MACROD2: variants seen among roughly 807,000 people sequenced by gnomAD.
MACROD2 encodes mono-ADP ribosylhydrolase 2.
In MACROD2, 36 loss-of-function variants were observed where a neutral mutation model predicts 70.4. The observed-to-expected ratio is 0.51, with a 90% CI of 0.39 to 0.68. The LOEUF (loss-of-function observed/expected upper bound fraction) is 0.68, where lower values mean the gene tolerates loss of function less well. MACROD2 is among the 30% of genes least tolerant of loss of function. MACROD2 has a pLI of 0.00. For synonymous variants in MACROD2, 172 were observed against 178.8 expected, an observed-to-expected ratio of 0.96 and a Z score of 0.30; for missense variants, 496 against 538.4, an observed-to-expected ratio of 0.92 and a Z score of 0.78.
rs1489931159 is a variant in MACROD2, at chr20:14,326,420, T to A, written c.272-167059T>A. On this transcript the variant is annotated intron_variant, in intron 3 of 17. Transcript: ENST00000684519. The surrounding 1 kb of genome is among the most constrained non-coding windows in gnomAD (Gnocchi z 5.5). The stretch of plus-strand genomic sequence containing the variant: ...GGTATTGCAGTGGTTATCTGAATGG[T>A]GCTTACAATCCCACTGTCCTTACAA... The A allele has an allele frequency of 6.2e-7, 1 of 1,613,918 alleles. No individual in the cohort carries two copies. Among genetic ancestry groups the A allele is most frequent in the Non-Finnish European group, 8.5e-7 (1 of 1,179,890 alleles).
At chr20:14,850,969 A>G (rs920636859) in intron 5 of MACROD2, among the ~76,000 whole-genome samples, 2 of 152,072 alleles carry the variant, frequency 1.3e-5, no homozygotes, top group Admixed American at 6.5e-5. Context: ...TTTTAAACCT[A>G]GCATTGACAG....
chr20:14,676,331 G>A (rs1401374410), intron 4 of MACROD2, among the ~76,000 whole-genome samples: 1 of 152,106 alleles, frequency 6.6e-6, no homozygotes, highest in Non-Finnish European at 1.5e-5. Context: ...ATACTCCTCA[G>A]CAAATGCAAA....
chr20:15,984,800 G>A (rs1438489051), intron 13 of MACROD2, among the ~76,000 whole-genome samples: 1 of 152,156 alleles, frequency 6.6e-6, no homozygotes, highest in East Asian at 1.9e-4. Context: ...ATTATCCTTT[G>A]CTATTAATAA....
chr20:14,055,712 C>T (rs1339026614), intron 2 of MACROD2, among the ~76,000 whole-genome samples: 3 of 149,492 alleles, frequency 2.0e-5, no homozygotes, highest in Admixed American at 6.7e-5. Context: ...CCCTCTTCTC[C>T]CCAACATTGC....
chr20:14,911,243 T>C (rs2074023420), intron 5 of MACROD2, among the ~76,000 whole-genome samples: 1 of 152,216 alleles, frequency 6.6e-6, no homozygotes. Context: ...TTCCTTGGTG[T>C]GGTTTTAAAG....
Position 14,990,519 on chromosome 20 carries a change from T to C in MACROD2, c.419-239421T>C, listed in dbSNP as rs1265128920. ...TTCCTTTTTTTTTTTCTTTTTCTTT[T>C]TTTTTTTTTTTTGAGATGGAGTCTC... On this transcript the variant is annotated intron_variant, in intron 5 of 17. Transcript: ENST00000684519. 1.5e-4 allele frequency among the ~76,000 whole-genome samples: 22 copies of C among 148,208 alleles called. No individual in the cohort carries two copies. In the South Asian group the frequency reaches 2.2e-3, roughly 15 times the overall value.
intron 12 of MACROD2, among the ~76,000 whole-genome samples, chr20:15,951,341 ACACACACAC>A (rs1315389287): frequency 6.6e-6 from 1 of 151,438 alleles, no homozygotes; most frequent in African/African-American, 2.4e-5. Flanking sequence ...ACACACACAC[ACACACACAC>A]AAAGAGAGAG....
chr20:16,049,918 C>G lies in MACROD2; in HGVS notation c.*42C>G, dbSNP rs747787643. On this transcript the variant is annotated 3_prime_UTR_variant, in exon 18 of 18. Coordinates refer to ENST00000684519, the MANE Select transcript of MACROD2 (RefSeq NM_001351661.2). ...AAGGCCTCTCCTGGCTCTGGGGGAG[C>G]TCGGGAAGATAGCAGCACACGCTGT... 8.4e-7 allele frequency: 1 copy of G among 1,186,334 alleles called. No individual in the cohort carries two copies. The highest frequency in any genetic ancestry group is 1.3e-5 in the South Asian group (1 of 79,794). The allele number at this position is 1,186,334 out of a possible 1,614,324, so 73.5% of individuals were successfully genotyped here.
chr20:14,723,638 G>A (rs1290413598), intron 5 of MACROD2, among the ~76,000 whole-genome samples: 1 of 150,870 alleles, frequency 6.6e-6, no homozygotes, highest in African/African-American at 2.4e-5. Context: ...TTAAATGCCT[G>A]TTGAATTCTC....
intron 4 of MACROD2, among the ~76,000 whole-genome samples, chr20:14,531,304 T>G (rs1387014285): frequency 6.6e-6 from 1 of 152,148 alleles, no homozygotes; most frequent in Non-Finnish European, 1.5e-5. Context: ...TAAAGTCAGA[T>G]GTACATTTGA....
chr20:15,637,571 A>G (rs1161851703), intron 8 of MACROD2, among the ~76,000 whole-genome samples: 1 of 152,352 alleles, frequency 6.6e-6, no homozygotes, highest in South Asian at 2.1e-4. Flanking sequence ...CATGCATTAC[A>G]AAATGTTCAA....
intron 8 of MACROD2, among the ~76,000 whole-genome samples, chr20:15,635,867 A>C (rs1046198264): frequency 6.6e-6 from 1 of 152,124 alleles, no homozygotes; most frequent in East Asian, 1.9e-4. Context: ...CAGGAGTTTG[A>C]GACCAGCCTG....
intron 4 of MACROD2, among the ~76,000 whole-genome samples, chr20:14,668,523 C>T (rs753712872): frequency 2.6e-5 from 4 of 152,122 alleles, no homozygotes; most frequent in South Asian, 2.1e-4. Context: ...ACTTTTGATT[C>T]GGATTGGGAT....
chr20:15,524,124 T>A (rs1302268318), intron 8 of MACROD2, among the ~76,000 whole-genome samples: 2 of 152,160 alleles, frequency 1.3e-5, no homozygotes, highest in East Asian at 3.9e-4. Context: ...GATTCTACTT[T>A]GAACAGAAAA....
At chr20:14,760,202 G>C (rs1011327789) in intron 5 of MACROD2, among the ~76,000 whole-genome samples, 2 of 152,022 alleles carry the variant, frequency 1.3e-5, no homozygotes, top group African/African-American at 2.4e-5. Context: ...GTTTCCTGTC[G>C]GGCTGGGGGC....
chr20:14,250,909 T>A (rs2122271037), intron 3 of MACROD2, among the ~76,000 whole-genome samples: 1 of 152,294 alleles, frequency 6.6e-6, no homozygotes, highest in East Asian at 1.9e-4. Flanking sequence ...TTTAAAGATT[T>A]TTTTTTGTTA....
chr20:15,417,166 A>G (rs750035971), intron 6 of MACROD2, among the ~76,000 whole-genome samples: 3 of 152,180 alleles, frequency 2.0e-5, no homozygotes, highest in Non-Finnish European at 4.4e-5. Context: ...AAAGGACCTT[A>G]GCTCATCCCA....
At chr20:15,340,024 G>A (rs6079768) in intron 6 of MACROD2, among the ~76,000 whole-genome samples, 1 of 151,670 alleles carries the variant, frequency 6.6e-6, no homozygotes, top group Admixed American at 6.6e-5. Flanking sequence ...TAGTAAGGTA[G>A]GATTGAGGGT....
intron 3 of MACROD2, among the ~76,000 whole-genome samples, chr20:14,271,538 T>C (rs2082195945): frequency 6.8e-6 from 1 of 148,074 alleles, no homozygotes; most frequent in Admixed American, 6.7e-5. Context: ...ACCACAAAGA[T>C]GGGGAAAAAA....
Sources: allele counts gnomAD v4.1 joint callset (sites outside exome capture counted in the v4.1 genomes callset), GRCh38; gene constraint gnomAD v4.1.1; non-coding constraint Gnocchi (gnomAD v3.1); transcripts MANE v1.5; gene names NCBI Gene and HGNC (gene_info 2026-07-23, HGNC 2026-07-21).